The following IRAG2 variants were observed in gnomAD, a reference collection of about 807,000 sequenced individuals.
The protein encoded by IRAG2 is lymphoid restricted membrane protein.
In IRAG2, 45 loss-of-function variants were observed where a neutral mutation model predicts 69.9. The observed-to-expected ratio is 0.64, with a 90% confidence interval of 0.51 to 0.83. The LOEUF is 0.83. Among genes scored for constraint, IRAG2 ranks in the 40% least tolerant of loss-of-function variants. The probability of loss-of-function intolerance (pLI) is 0.00; values close to 1 mark genes in which losing one functional copy is unlikely to be tolerated. For missense variants in IRAG2, 520 were observed against 587.0 expected (o/e 0.89, Z 1.18); for synonymous variants, 193 against 202.4 (o/e 0.95, Z 0.40).
intron 7 of IRAG2, chr12:25,021,099 TTTTTTCTTTTTTTC>T (rs2139835166): frequency 3.0e-6 from 1 of 333,264 alleles, no homozygotes; most frequent in East Asian, 4.5e-5. Context: ...TTCTTTTTTT[TTTTTTCTTTTTTTC>T]TTTTTTTTTG....
At chr12:25,037,751 T>C (rs1238646632) in intron 15 of IRAG2, among the ~76,000 whole-genome samples, 3 of 152,224 alleles carry the variant, frequency 2.0e-5, no homozygotes, top group African/African-American at 4.8e-5. Flanking sequence ...AGGCACTTTA[T>C]ACATACTTGT....
At chr12:25,028,176 C>T (rs750194529) in intron 9 of IRAG2, among the ~76,000 whole-genome samples, 1 of 152,184 alleles carries the variant, frequency 6.6e-6, no homozygotes, top group African/African-American at 2.4e-5. Context: ...CTGCCCGCCT[C>T]AGCCTCCCAA....
Position 25,104,059 on chromosome 12 carries a change from G to A in IRAG2, c.1046+1G>A, listed in dbSNP as rs763950096. On this transcript the variant is annotated splice_donor_variant, in intron 19 of 21. Coordinates refer to ENST00000556887, the MANE Select transcript of IRAG2 (RefSeq NM_001366544.2). LOFTEE classifies it high-confidence loss of function. ...GATTCAGTAGAAGGTCAAGCAGTTG[G>A]TAAGTGTAATTTTATGGTTCCTCTT... 6 of 1,613,030 alleles carry A rather than the reference G, an allele frequency of 3.7e-6. No homozygotes were observed. The Admixed American group carries it at 5.0e-5, about 13-fold the overall frequency.
At chr12:25,100,020 A>AAAAAAAAAAAAAAAAG in intron 15 of IRAG2, among the ~76,000 whole-genome samples, 1 of 150,290 alleles carries the variant, frequency 6.7e-6, no homozygotes, top group Non-Finnish European at 1.5e-5. Flanking sequence ...AAAAAAAAAA[A>AAAAAAAAAAAAAAAAG]AAAAATGGGC....
intron 6 of IRAG2, among the ~76,000 whole-genome samples, chr12:25,070,586 G>A (rs527876071): frequency 1.8e-3 from 281 of 152,304 alleles, no homozygotes; most frequent in African/African-American, 6.2e-3. Flanking sequence ...TATTGCAAGT[G>A]ATGCTATTAT....
rs144548544 is a variant in IRAG2, at chr12:25,079,835, A to G, written c.244+72A>G. On this transcript the variant is annotated intron_variant, in intron 9 of 21. Transcript: ENST00000556887. ...AGCAAGTCTATAAGCTAGTGAAGTA[A>G]CTATCCACACTAGCTCAATAATGTT... is the stretch of plus-strand genomic sequence containing the variant. 348 of 831,346 alleles carry G rather than the reference A, an allele frequency of 4.2e-4. 1 individual carries two copies. In the African/African-American group the frequency reaches 5.2e-3, roughly 13 times the overall value. 51.5% of individuals were successfully genotyped at this position (831,346 alleles called of 1,614,324 possible).
chr12:25,013,866 C>CT (rs71063386), intron 3 of IRAG2, among the ~76,000 whole-genome samples: 21,129 of 79,618 alleles, frequency 0.27, 5,333 homozygotes, highest in South Asian at 0.4. Flanking sequence ...TTTTCTTTTT[C>CT]TTTTTTTTTT....
intron 10 of IRAG2, among the ~76,000 whole-genome samples, chr12:25,030,574 A>G (rs1042708328): frequency 6.6e-6 from 1 of 152,060 alleles, no homozygotes; most frequent in African/African-American, 2.4e-5. Context: ...TTTAGTAGAG[A>G]CGGGGTTTCC....
intron 9 of IRAG2, 49 bp from the exon 10 acceptor site, chr12:25,083,374 A>G: frequency 8.6e-7 from 1 of 1,162,688 alleles, no homozygotes; most frequent in East Asian, 2.3e-5. Context: ...CTCCTCTTTT[A>G]CTTGCTCCTG....
the IRAG2 span, among the ~76,000 whole-genome samples, chr12:24,997,858 A>G: frequency 6.6e-6 from 1 of 152,188 alleles, no homozygotes; most frequent in Non-Finnish European, 1.5e-5. Flanking sequence ...CTCTACAAAT[A>G]GGGAAAAAAG....
intron 14 of IRAG2, chr12:25,093,206 T>A (rs906424708): frequency 6.5e-6 from 1 of 153,984 alleles, no homozygotes; most frequent in East Asian, 1.9e-4. Flanking sequence ...AGACACCAAA[T>A]ATGCACAATG....
intron 9 of IRAG2, among the ~76,000 whole-genome samples, chr12:25,080,448 T>C (rs1193108521): frequency 6.6e-6 from 1 of 150,630 alleles, no homozygotes; most frequent in Admixed American, 6.7e-5. Context: ...GCCTCCCGGG[T>C]TCACACCATT....
chr12:25,076,609 T>A (rs540175553), intron 6 of IRAG2: 2 of 983,236 alleles, frequency 2.0e-6, no homozygotes, highest in African/African-American at 3.5e-5. Context: ...TCTTTCATAT[T>A]TCTTAAATAT....
intron 8 of IRAG2, chr12:25,026,691 TGA>T: frequency 2.1e-6 from 1 of 472,692 alleles, no homozygotes; most frequent in Non-Finnish European, 3.4e-6. Flanking sequence ...AAGGCAATAC[TGA>T]GAGTGATGAA....
At chr12:25,046,256 T>A (rs927174089) in intron 16 of IRAG2, among the ~76,000 whole-genome samples, 3 of 151,994 alleles carry the variant, frequency 2.0e-5, no homozygotes, top group Non-Finnish European at 2.9e-5. Context: ...TCAGTGAACA[T>A]CACTCAATGG....
rs187733455 is a variant in IRAG2, at chr12:25,057,059, G to C, written c.-447+4103G>C. Reference sequence around the variant, plus strand: ...CTTTCACCCCACCACCACTGTTCTAGTGAAAGCATCACCAGCATTTCCACT... The same window carrying C: ...CTTTCACCCCACCACCACTGTTCTACTGAAAGCATCACCAGCATTTCCACT... On this transcript the variant is annotated intron_variant, in intron 1 of 21. Coordinates refer to ENST00000556887, the MANE Select transcript of IRAG2 (RefSeq NM_001366544.2). Among the ~76,000 whole-genome samples the C allele has an allele frequency of 5.3e-5, 8 of 152,132 alleles. No individual in the cohort carries two copies. The East Asian group carries it at 1.5e-3, about 29-fold the overall frequency.
chr12:25,105,512 A>G (rs943242719), intron 20 of IRAG2, among the ~76,000 whole-genome samples: 18 of 152,212 alleles, frequency 1.2e-4, no homozygotes, highest in Non-Finnish European at 2.2e-4. Flanking sequence ...AAAGATGAGC[A>G]TGACATGGTG....
chr12:25,080,131 T>C (rs1016368112), intron 9 of IRAG2, among the ~76,000 whole-genome samples: 5 of 152,198 alleles, frequency 3.3e-5, no homozygotes, highest in African/African-American at 1.2e-4. Flanking sequence ...AGTTCGAATT[T>C]ATCAGGTTAG....
rs1315756669 is a variant in IRAG2 at position 25,076,626 on chromosome 12, C to T, written c.25-2618C>T. The T allele has an allele frequency of 4.1e-6, 4 of 981,650 alleles. No homozygotes were observed. In the Admixed American group the frequency reaches 2.5e-4, roughly 61 times the overall value. The allele number at this position is 981,650 out of a possible 1,614,324, so 60.8% of individuals were successfully genotyped here. The stretch of plus-strand genomic sequence containing the variant: ...TTTCATATTTCTTAAATATGAATAC[C>T]CATGATCTTGACAGGTACAAAATGA... On this transcript the variant is annotated intron_variant, in intron 6 of 21. Transcript: ENST00000556887.
Sources: allele counts gnomAD v4.1 joint callset (sites outside exome capture counted in the v4.1 genomes callset), GRCh38; gene constraint gnomAD v4.1.1; transcripts MANE v1.5; gene names NCBI Gene and HGNC (gene_info 2026-07-23, HGNC 2026-07-21).